Variants in REPS2 observed in about 807,000 individuals in gnomAD.
The protein encoded by REPS2 is ralBP1-associated Eps domain-containing protein 2.
A neutral mutation model predicts 53.6 loss-of-function variants in REPS2; 23 were observed. That is an observed-to-expected ratio of 0.43 (90% CI 0.31 to 0.61). The LOEUF (loss-of-function observed/expected upper bound fraction) is 0.61. Ranked by LOEUF, REPS2 falls within the 20% of genes least tolerant of loss-of-function variation. REPS2 has a pLI of 0.11. For missense variants in REPS2, 446 were observed against 534.9 expected, an observed-to-expected ratio of 0.83 and a Z score of 1.64; for synonymous variants, 238 against 218.6, an observed-to-expected ratio of 1.09 and a Z score of -0.78.
chrX:17,149,350 GGC>G lies in REPS2; in HGVS notation c.*1870_*1871del, dbSNP rs939769789. 1 of 137,264 alleles carries G rather than the reference GGC, an allele frequency of 7.3e-6. No homozygotes were observed. The highest frequency in any genetic ancestry group is 1.4e-5 in the Non-Finnish European group (1 of 70,452). The allele number at this position is 137,264 out of a possible 1,213,427, so 11.3% of individuals were successfully genotyped here. A position where few individuals can be genotyped will look rare whatever the true frequency, so the allele number is the denominator to read the frequency against. On this transcript the variant is annotated 3_prime_UTR_variant, in exon 18 of 18. Transcript: ENST00000357277. Reference sequence around the variant, plus strand: ...AGATGGAGACTTGCTCTGTCGCCCAGGCTGGAGCGCAGTGGCGCAATCTCGGC... The same window carrying G: ...AGATGGAGACTTGCTCTGTCGCCCAGTGGAGCGCAGTGGCGCAATCTCGGC...
chrX:17,044,737 C>T lies in REPS2; in HGVS notation c.772-2610C>T, dbSNP rs768264053. On this transcript the variant is annotated intron_variant, in intron 5 of 17. Transcript: ENST00000357277. ...CTCCTGTGAGTTCTCCACATTATAT[C>T]ATGGCCGGTAATCTAATCCAATTCA... Among the ~76,000 whole-genome samples, 385 of 111,629 alleles carry T rather than the reference C, an allele frequency of 3.4e-3. 1 individual carries two copies. Among genetic ancestry groups the T allele is most frequent in the Non-Finnish European group, 6.0e-3 (319 of 53,122 alleles).
chrX:17,064,474 A>C (rs1207206853), intron 9 of REPS2, among the ~76,000 whole-genome samples: 1 of 111,980 alleles, frequency 8.9e-6, no homozygotes, highest in Non-Finnish European at 1.9e-5. Flanking sequence ...TCACGTCATG[A>C]GAAATTGGCT....
chrX:17,033,247 G>C (rs2061728714), intron 5 of REPS2, among the ~76,000 whole-genome samples: 1 of 111,387 alleles, frequency 9.0e-6, no homozygotes, highest in Admixed American at 9.6e-5. Flanking sequence ...TGTCCATTAT[G>C]CCTGCTCTCC....
intron 14 of REPS2, among the ~76,000 whole-genome samples, chrX:17,120,801 T>C: frequency 8.9e-6 from 1 of 112,036 alleles, no homozygotes; most frequent in East Asian, 2.8e-4. Flanking sequence ...TTTCTATAAA[T>C]AATGGAAATG....
At chrX:17,051,295 A>G (rs2061999993) in intron 6 of REPS2, among the ~76,000 whole-genome samples, 1 of 111,774 alleles carries the variant, frequency 8.9e-6, no homozygotes, top group African/African-American at 3.3e-5. Context: ...AATCTCAGCT[A>G]TTGTAAACAG....
At chrX:17,159,250 G>C in the REPS2 span, among the ~76,000 whole-genome samples, 1 of 111,711 alleles carries the variant, frequency 9.0e-6, no homozygotes, top group South Asian at 3.8e-4. Context: ...TGAGGCAGAA[G>C]TCATGCAGAA....
chrX:17,075,448 G>T (rs747908165), intron 12 of REPS2, among the ~76,000 whole-genome samples: 26 of 112,252 alleles, frequency 2.3e-4, no homozygotes, highest in South Asian at 2.2e-3. Flanking sequence ...TGCGCTTTTG[G>T]TCTAATTTGG....
intron 9 of REPS2, among the ~76,000 whole-genome samples, chrX:17,064,099 A>C: frequency 2.4e-5 from 1 of 42,417 alleles, no homozygotes. Context: ...AAAACTACCT[A>C]GTCTTTTTTT....
intron 14 of REPS2, among the ~76,000 whole-genome samples, chrX:17,124,161 C>T (rs193194876): frequency 8.9e-6 from 1 of 112,297 alleles, no homozygotes; most frequent in Non-Finnish European, 1.9e-5. Flanking sequence ...GAGCCTATAT[C>T]CTGTAACTGT....
intron 14 of REPS2, among the ~76,000 whole-genome samples, chrX:17,132,725 A>T (rs2063310367): frequency 9.0e-6 from 1 of 111,107 alleles, no homozygotes; most frequent in Non-Finnish European, 1.9e-5. Context: ...TTTAGTAGAG[A>T]CGGGGTTTCG....
chrX:17,135,572 A>C, intron 16 of REPS2, 166 bp downstream of exon 16: 1 of 580,509 alleles, frequency 1.7e-6, no homozygotes, highest in Non-Finnish European at 2.6e-6. Context: ...GTCACATAGA[A>C]GGCTTTATAA....
chrX:17,110,254 A>G (rs921147125), intron 14 of REPS2, among the ~76,000 whole-genome samples: 1 of 109,670 alleles, frequency 9.1e-6, no homozygotes, highest in African/African-American at 3.3e-5. Context: ...AAAATGAAGT[A>G]TAGGTTGAGT....
At position 17,010,955 on chromosome X, in the gene REPS2, G is replaced by T. The variant is rs142569649; in HGVS notation, c.397+4611G>T. On this transcript the variant is annotated intron_variant, in intron 2 of 17. Coordinates refer to ENST00000357277, the MANE Select transcript of REPS2 (RefSeq NM_004726.3). ...TCTAATTTCATATATCTGCAGTCCG[G>T]TCTGAGCATCAGAATTTTTAACAGC... Among the ~76,000 whole-genome samples the T allele has an allele frequency of 6.9e-3, 768 of 111,935 alleles. 3 individuals are homozygous for T. The highest frequency in any genetic ancestry group is 0.024 in the African/African-American group (735 of 30,781).
At chrX:17,179,578 C>T in the REPS2 span, among the ~76,000 whole-genome samples, 2 of 111,822 alleles carry the variant, frequency 1.8e-5, no homozygotes, top group Non-Finnish European at 3.8e-5. Flanking sequence ...CAGAGATGAT[C>T]CATCCCTGCT....
chrX:17,115,024 T>A (rs746997524), intron 14 of REPS2, among the ~76,000 whole-genome samples: 2 of 112,183 alleles, frequency 1.8e-5, no homozygotes, highest in African/African-American at 6.5e-5. Context: ...AGGGGTGGGT[T>A]GCCCCTCCAC....
rs937192534 is a variant in REPS2 at position 16,963,704 on chromosome X, A to G, written c.273+16570A>G. Among the ~76,000 whole-genome samples, 7 of 111,961 alleles carry G rather than the reference A, an allele frequency of 6.3e-5. No individual in the cohort carries two copies. In the East Asian group the frequency reaches 8.3e-4, roughly 13 times the overall value. On this transcript the variant is annotated intron_variant, in intron 1 of 17. Transcript: ENST00000357277. ...AAACGACTTCTCTATTCTTTCTGTCAGGGTGTGCAGCACAAGGTTGCGCTG... is the reference window on the plus strand; with the variant it reads ...AAACGACTTCTCTATTCTTTCTGTCGGGGTGTGCAGCACAAGGTTGCGCTG...
intron 8 of REPS2, among the ~76,000 whole-genome samples, chrX:17,055,897 G>A (rs551541838): frequency 0.015 from 1,483 of 100,639 alleles, 28 homozygotes; most frequent in Middle Eastern, 0.024. Flanking sequence ...TAGATGACAC[G>A]TTAGTGGGTG....
intron 14 of REPS2, among the ~76,000 whole-genome samples, chrX:17,107,286 A>G (rs1222646279): frequency 8.9e-6 from 1 of 112,319 alleles, no homozygotes; most frequent in Non-Finnish European, 1.9e-5. Flanking sequence ...TTCATGTATT[A>G]TGAAGAAACA....
chrX:17,064,102 CTTTT>C (rs11310120), intron 9 of REPS2, among the ~76,000 whole-genome samples: 1 of 95,004 alleles, frequency 1.1e-5, no homozygotes, highest in Non-Finnish European at 2.1e-5. Context: ...ACTACCTAGT[CTTTT>C]TTTTTTTTTT....
Sources: gnomAD v4.1 joint callset for allele counts (sites outside exome capture counted in the v4.1 genomes callset) on GRCh38, gnomAD v4.1.1 for gene constraint, MANE v1.5 for transcripts, NCBI Gene and HGNC (gene_info 2026-07-23, HGNC 2026-07-21) for gene names.